Variants in WDR89 observed in about 807,000 individuals in gnomAD.
WDR89 encodes the protein WD repeat-containing protein 89.
In WDR89, 17 loss-of-function variants were observed where a neutral mutation model predicts 29.1. That is an observed-to-expected ratio of 0.58 (90% CI 0.40 to 0.88). The LOEUF is 0.88. Ranked by LOEUF, WDR89 falls within the 40% of genes least tolerant of loss-of-function variation. The probability of loss-of-function intolerance (pLI) is 0.00; values close to 1 mark genes in which losing one functional copy is unlikely to be tolerated. For missense variants in WDR89, 396 were observed against 456.3 expected, an observed-to-expected ratio of 0.87 and a Z score of 1.20; for synonymous variants, 138 against 157.8, an observed-to-expected ratio of 0.87 and a Z score of 0.94.
At chr14:63,622,286 AAGT>A (rs1302592504) in intron 2 of WDR89, among the ~76,000 whole-genome samples, 1 of 151,482 alleles carries the variant, frequency 6.6e-6, no homozygotes, top group Non-Finnish European at 1.5e-5. Flanking sequence ...AATACAAAAA[AAGT>A]AGCCAGGCAG....
At chr14:63,633,005 T>G (rs935454927) in intron 1 of WDR89, among the ~76,000 whole-genome samples, 4 of 152,138 alleles carry the variant, frequency 2.6e-5, no homozygotes, top group Non-Finnish European at 4.4e-5. Flanking sequence ...CTTTACTAAC[T>G]ATATGTTTCA....
At chr14:63,601,798 G>T in intron 2 of WDR89, 1 of 1,139,970 alleles carries the variant, frequency 8.8e-7, no homozygotes, top group Admixed American at 1.7e-5. Context: ...GACGTTCTTG[G>T]AAAGTACGTA....
chr14:63,627,150 A>ACTCTCT lies in WDR89; in HGVS notation c.-137-2123_-137-2118dup, dbSNP rs35230660. On this transcript the variant is annotated intron_variant, in intron 1 of 2. Coordinates refer to ENST00000620954, the MANE Select transcript of WDR89 (RefSeq NM_080666.4). Reference sequence around the variant, plus strand: ...CACACACACACACACACACACACACACTCTCTCTCTCTCTCTCTCTCTCTC... The same window carrying ACTCTCT: ...CACACACACACACACACACACACACACTCTCTCTCTCTCTCTCTCTCTCTCTCTCTC... Among the ~76,000 whole-genome samples, 846 of 127,250 alleles carry ACTCTCT rather than the reference A, an allele frequency of 6.6e-3. 5 individuals are homozygous for ACTCTCT. The highest frequency in any genetic ancestry group is 0.034 in the East Asian group (149 of 4,438). 83.5% of individuals were successfully genotyped at this position (127,250 alleles called of 152,430 possible).
At position 63,599,708 on chromosome 14, in the gene WDR89, C is replaced by G; in HGVS notation, c.235G>C (p.Ala79Pro). 1 of 1,614,194 alleles carries G rather than the reference C, an allele frequency of 6.2e-7. No homozygotes were observed. Among genetic ancestry groups the G allele is most frequent in the Non-Finnish European group, 8.5e-7 (1 of 1,180,038 alleles). The change falls in exon 3 of 3, where the codon GCA becomes CCA. Residue 79 changes from alanine to proline, a missense_variant. By Grantham distance (27) the Ala-to-Pro change is conservative. Transcript: ENST00000620954. Reference protein sequence around the residue: ...YPGLLNGVRFANSCDSVYSAC... With the variant: ...YPGLLNGVRFPNSCDSVYSAC... Reference sequence around the variant, plus strand: ...GAATATACACTGTCACAGGAATTTGCAAATCTGACTCCATTAAGAAGTCCA... The same window carrying G: ...GAATATACACTGTCACAGGAATTTGGAAATCTGACTCCATTAAGAAGTCCA...
chr14:63,612,571 C>T (rs759939537), intron 2 of WDR89, among the ~76,000 whole-genome samples: 2 of 152,052 alleles, frequency 1.3e-5, no homozygotes, highest in African/African-American at 2.4e-5. Flanking sequence ...GACCGGGTTT[C>T]GCCATGTTGG....
chr14:63,629,745 C>G (rs1883279551), intron 1 of WDR89, among the ~76,000 whole-genome samples: 1 of 152,214 alleles, frequency 6.6e-6, no homozygotes, highest in African/African-American at 2.4e-5. Flanking sequence ...TCTTGTATAC[C>G]CAACTAAAAC....
intron 2 of WDR89, among the ~76,000 whole-genome samples, chr14:63,616,178 C>CCTCA (rs910458357): frequency 6.6e-6 from 1 of 152,056 alleles, no homozygotes; most frequent in Non-Finnish European, 1.5e-5. Context: ...GGAGAAGCAC[C>CCTCA]TGAGCCCAGG....
At chr14:63,601,868 T>A in intron 2 of WDR89, 1 of 667,400 alleles carries the variant, frequency 1.5e-6, no homozygotes, top group East Asian at 2.6e-5. Flanking sequence ...CCACCGAAGT[T>A]CTGAAATCTT....
intron 2 of WDR89, among the ~76,000 whole-genome samples, chr14:63,609,110 C>CAA (rs879421241): frequency 1.5e-5 from 2 of 134,858 alleles, no homozygotes; most frequent in African/African-American, 2.8e-5. Flanking sequence ...AACTCCATCT[C>CAA]AAAAAAAAAA....
intron 1 of WDR89, among the ~76,000 whole-genome samples, chr14:63,637,947 G>GA (rs1417418679): frequency 1.3e-5 from 2 of 151,720 alleles, no homozygotes; most frequent in African/African-American, 4.8e-5. Context: ...ATAACTTACG[G>GA]AAAAATTTTT....
chr14:63,607,076 A>G (rs1235439416), intron 2 of WDR89, among the ~76,000 whole-genome samples: 1 of 152,250 alleles, frequency 6.6e-6, no homozygotes, highest in Non-Finnish European at 1.5e-5. Context: ...GAAGCAGTGT[A>G]TGATTGTAAA....
intron 2 of WDR89, among the ~76,000 whole-genome samples, chr14:63,612,286 T>C (rs972392322): frequency 1.3e-5 from 2 of 152,082 alleles, no homozygotes; most frequent in African/African-American, 4.8e-5. Flanking sequence ...CAATATCCCC[T>C]TCCCCAAAGC....
At position 63,598,772 on chromosome 14, in the gene WDR89, T is replaced by C. The variant is rs1894902072; in HGVS notation, c.*7A>G. ...AAAACCTACCAAACAAAGTGCCAAA[T>C]GCATTATCACTGCTTTTTCCTTCTT... On this transcript the variant is annotated 3_prime_UTR_variant, in exon 3 of 3. Coordinates refer to ENST00000620954, the MANE Select transcript of WDR89 (RefSeq NM_080666.4). 6.4e-7 allele frequency: 1 copy of C among 1,564,660 alleles called. No homozygotes were observed. The highest frequency in any genetic ancestry group is 1.4e-5 in the African/African-American group (1 of 73,242).
chr14:63,601,301 G>A (rs1441776055), intron 2 of WDR89, among the ~76,000 whole-genome samples: 1 of 151,722 alleles, frequency 6.6e-6, no homozygotes, highest in Non-Finnish European at 1.5e-5. Context: ...TAAGGCAGTA[G>A]CAGCTTGTGA....
rs372336700 is a variant in WDR89 at position 63,641,626 on chromosome 14, C to T, written c.-138+178G>A. Among the ~76,000 whole-genome samples the T allele has an allele frequency of 1.8e-4, 28 of 152,368 alleles. No homozygotes were observed. In the South Asian group the frequency reaches 5.2e-3, roughly 28 times the overall value. ...CAGCACAGGTTTGACCTGGTGGCTC[C>T]GACGGCGGAGCGAGACTGCCAACAC... On this transcript the variant is annotated intron_variant, in intron 1 of 2. Transcript: ENST00000620954.
chr14:63,613,374 T>C (rs1238196294), intron 2 of WDR89, among the ~76,000 whole-genome samples: 3 of 152,208 alleles, frequency 2.0e-5, no homozygotes, highest in Non-Finnish European at 4.4e-5. Flanking sequence ...CTTAATGTTA[T>C]TCATTGTTTT....
intron 1 of WDR89, chr14:63,641,545 C>T (rs1369540754): frequency 6.6e-6 from 1 of 152,344 alleles, no homozygotes; most frequent in Non-Finnish European, 1.5e-5. Flanking sequence ...AGAGGAAGTA[C>T]TGGGAACTGC....
intron 1 of WDR89, among the ~76,000 whole-genome samples, chr14:63,631,063 C>T (rs547658088): frequency 6.6e-6 from 1 of 152,182 alleles, no homozygotes; most frequent in Admixed American, 6.6e-5. Context: ...CTGGGCCCAG[C>T]CTGTACTGTC....
intron 2 of WDR89, 30 bp from the exon 3 acceptor site, chr14:63,600,003 A>G: frequency 8.0e-7 from 1 of 1,256,682 alleles, no homozygotes; most frequent in Non-Finnish European, 1.0e-6. Flanking sequence ...TAAAAATAAA[A>G]ATTAATGCTT....
Sources: allele counts gnomAD v4.1 joint callset (sites outside exome capture counted in the v4.1 genomes callset), GRCh38; gene constraint gnomAD v4.1.1; transcripts MANE v1.5; gene names NCBI Gene and HGNC (gene_info 2026-07-23, HGNC 2026-07-21).